OSBPL6: variants seen among roughly 807,000 people sequenced by gnomAD.
OSBPL6 encodes oxysterol-binding protein-related protein 6.
OSBPL6 carries 49 observed loss-of-function variants against 125.8 expected under a neutral mutation model. That is an observed-to-expected ratio of 0.39 (90% CI 0.31 to 0.49). The LOEUF (loss-of-function observed/expected upper bound fraction) is 0.49. OSBPL6 is among the 20% of genes least tolerant of loss of function. The pLI, the probability that OSBPL6 is intolerant of heterozygous loss-of-function variation, is 0.88. For missense variants in OSBPL6, 986 were observed against 1,135.4 expected (o/e 0.87, Z 1.89); for synonymous variants, 394 against 391.8 (o/e 1.01, Z -0.07).
Position 178,332,665 on chromosome 2 carries a change from A to T in OSBPL6, c.397A>T (p.Ser133Cys). The T allele has an allele frequency of 6.2e-7, 1 of 1,614,020 alleles. No homozygotes were observed. The highest frequency in any genetic ancestry group is 1.1e-5 in the South Asian group (1 of 91,076). ...LDIQKGKVHGSIDVGLSVMSI... is the reference protein window; with the variant it reads ...LDIQKGKVHGCIDVGLSVMSI... ...GATTCAGAAAGGAAAGGTCCATGGG[A>T]GCATAGATGTGGGACTCTCAGTCAT... The change falls in exon 7 of 25, where the codon AGC (serine) becomes TGC (cysteine). Residue 133 changes from serine to cysteine, a missense_variant. Coordinates refer to ENST00000190611, the MANE Select transcript of OSBPL6 (RefSeq NM_032523.4).
intron 1 of OSBPL6, among the ~76,000 whole-genome samples, chr2:178,259,173 A>G (rs1364765763): frequency 6.6e-6 from 1 of 152,098 alleles, no homozygotes. Flanking sequence ...AATATAACAG[A>G]TGCTTCTCCA....
chr2:178,342,976 A>T lies in OSBPL6; in HGVS notation c.987+3212A>T, dbSNP rs543360787. 4.6e-4 allele frequency among the ~76,000 whole-genome samples: 70 copies of T among 151,830 alleles called. 1 individual carries two copies. Among genetic ancestry groups the T allele is most frequent in the Middle Eastern group, 6.8e-3 (2 of 294 alleles). Reference sequence around the variant, plus strand: ...TAAGTAGAAAGGATTTTGTCTAGAAATTTTTTTTTGTGGAAAACAGATTAT... The same window carrying T: ...TAAGTAGAAAGGATTTTGTCTAGAATTTTTTTTTTGTGGAAAACAGATTAT... On this transcript the variant is annotated intron_variant, in intron 11 of 24. Transcript: ENST00000190611.
At chr2:178,376,112 T>C (rs1693852603) in intron 15 of OSBPL6, among the ~76,000 whole-genome samples, 1 of 151,972 alleles carries the variant, frequency 6.6e-6, no homozygotes. Flanking sequence ...CATATTTAAG[T>C]CTAAAACTCA....
rs983740767 is a variant in OSBPL6, at chr2:178,321,520, A to T, written c.103-2657A>T. ...TTAGGGTTATGCTTTTTTTAAAACC[A>T]TGAGTTTGGAGAAAATTCAAGGTAG... is the stretch of plus-strand genomic sequence containing the variant. On this transcript the variant is annotated intron_variant, in intron 3 of 24. Coordinates refer to ENST00000190611, the MANE Select transcript of OSBPL6 (RefSeq NM_032523.4). Among the ~76,000 whole-genome samples, 3 of 152,242 alleles carry T rather than the reference A, an allele frequency of 2.0e-5. No individual in the cohort carries two copies. The East Asian group carries it at 5.8e-4, about 29-fold the overall frequency.
intron 1 of OSBPL6, among the ~76,000 whole-genome samples, chr2:178,209,311 C>T (rs974098472): frequency 1.3e-5 from 2 of 151,946 alleles, no homozygotes; most frequent in Non-Finnish European, 2.9e-5. Flanking sequence ...TCTTCTTGCC[C>T]TACTTTCTGG....
intron 1 of OSBPL6, among the ~76,000 whole-genome samples, chr2:178,217,752 A>G (rs765738069): frequency 2.4e-4 from 36 of 152,206 alleles, no homozygotes; most frequent in Non-Finnish European, 4.1e-4. Context: ...GATCTGAACC[A>G]TCTTGTCTGC....
intron 1 of OSBPL6, among the ~76,000 whole-genome samples, chr2:178,204,339 T>C (rs965328570): frequency 6.6e-6 from 1 of 152,210 alleles, no homozygotes; most frequent in Non-Finnish European, 1.5e-5. Flanking sequence ...GAATTCTTGA[T>C]GGGAACTCTC....
At chr2:178,196,355 A>G (rs868665466) in intron 1 of OSBPL6, among the ~76,000 whole-genome samples, 1 of 152,186 alleles carries the variant, frequency 6.6e-6, no homozygotes, top group Non-Finnish European at 1.5e-5. Flanking sequence ...TGAAATTAAA[A>G]TTTCAGGCTT....
At chr2:178,375,462 GCC>G (rs1693781126) in intron 15 of OSBPL6, among the ~76,000 whole-genome samples, 4 of 152,094 alleles carry the variant, frequency 2.6e-5, no homozygotes, top group African/African-American at 4.8e-5. Context: ...CGCTCTTGTT[GCC>G]CGGGCTGGAG....
chr2:178,242,718 G>T (rs1255083562), intron 1 of OSBPL6, among the ~76,000 whole-genome samples: 1 of 152,146 alleles, frequency 6.6e-6, no homozygotes, highest in African/African-American at 2.4e-5. Context: ...CCATCTTGTA[G>T]TGCTTTTCAA....
In OSBPL6 at chr2:178,349,327, C is replaced by G. The variant is rs1304945667; in HGVS notation, c.1091C>G (p.Pro364Arg). The change falls in exon 12 of 25, where the codon CCT becomes CGT. Residue 364 changes from proline to arginine, a missense_variant. Physicochemically the swap from Pro to Arg is moderately radical, Grantham distance 103. This residue lies in a region of OSBPL6 where 843 missense variants were observed against 997.3 expected (regional missense o/e 0.85). Coordinates refer to ENST00000190611, the MANE Select transcript of OSBPL6 (RefSeq NM_032523.4). ...FQTPPSHLTD[P>R]LESSTDYTKL... ...ACTCCCCCTAGCCACCTCACTGACC[C>G]TCTGGAAAGTTCAACAGATTATACA... 6.2e-6 allele frequency: 10 copies of G among 1,614,184 alleles called. No individual in the cohort carries two copies. The highest frequency in any genetic ancestry group is 5.9e-6 in the Non-Finnish European group (7 of 1,180,024).
chr2:178,235,881 A>T (rs2091035429), intron 1 of OSBPL6, among the ~76,000 whole-genome samples: 1 of 152,170 alleles, frequency 6.6e-6, no homozygotes, highest in Non-Finnish European at 1.5e-5. Context: ...TGACCTTTTC[A>T]TAGCTGGATA....
upstream of OSBPL6, chr2:178,194,344 C>G (rs940943452): frequency 1.3e-5 from 2 of 152,180 alleles, no homozygotes; most frequent in Non-Finnish European, 2.9e-5. Context: ...AGGGCGGGTG[C>G]GCAGCATGAG....
rs529809991 is a variant in OSBPL6, at chr2:178,392,705, T to C, written c.2573+167T>C. ...ACTCTATATCTCTAAAAAAAAAGAA[T>C]TAAAAATTAGCTGGGTGTGGTGGGG... On this transcript the variant is annotated intron_variant, in intron 23 of 24. Transcript: ENST00000190611. 7.3e-3 allele frequency among the ~76,000 whole-genome samples: 1,108 copies of C among 151,870 alleles called. 11 individuals are homozygous for C. The highest frequency in any genetic ancestry group is 0.01 in the Non-Finnish European group (690 of 67,876).
intron 3 of OSBPL6, chr2:178,320,387 G>T: frequency 6.2e-7 from 1 of 1,613,162 alleles, no homozygotes; most frequent in Non-Finnish European, 8.5e-7. Flanking sequence ...CTCTGATCAG[G>T]GGAAACAGAG....
chr2:178,236,158 G>A (rs1225384340), intron 1 of OSBPL6, among the ~76,000 whole-genome samples: 2 of 151,970 alleles, frequency 1.3e-5, no homozygotes. Context: ...CCTTTAAGAT[G>A]ATAGAACATG....
At chr2:178,253,630 A>T (rs1289937209) in intron 1 of OSBPL6, among the ~76,000 whole-genome samples, 18 of 152,218 alleles carry the variant, frequency 1.2e-4, no homozygotes. Context: ...TCCACATGCA[A>T]TATATTCTTA....
At chr2:178,274,021 T>C (rs1392264549) in intron 1 of OSBPL6, among the ~76,000 whole-genome samples, 2 of 152,194 alleles carry the variant, frequency 1.3e-5, no homozygotes, top group Non-Finnish European at 1.5e-5. Context: ...TCCCTTTACA[T>C]TGGGCACGTG....
chr2:178,359,278 A>G (rs969738676), intron 12 of OSBPL6, among the ~76,000 whole-genome samples: 4 of 152,238 alleles, frequency 2.6e-5, no homozygotes, highest in Non-Finnish European at 4.4e-5. Flanking sequence ...AAGATGACAT[A>G]AAAATGACCA....
Sources: allele counts gnomAD v4.1 joint callset (sites outside exome capture counted in the v4.1 genomes callset), GRCh38; gene constraint gnomAD v4.1.1; regional missense constraint gnomAD v4.1.1; transcripts MANE v1.5; gene names NCBI Gene and HGNC (gene_info 2026-07-23, HGNC 2026-07-21).